Variants in RTN4RL1 observed in about 807,000 individuals in gnomAD.
RTN4RL1 encodes reticulon-4 receptor-like 1.
Under a neutral mutation model 25.6 loss-of-function variants are expected in RTN4RL1, and 7 were observed. That is an observed-to-expected ratio of 0.27 (90% CI 0.16 to 0.51). The LOEUF is 0.51. Ranked by LOEUF, RTN4RL1 falls within the 20% of genes least tolerant of loss-of-function variation. The pLI is 0.97. For missense variants in RTN4RL1, 500 were observed against 615.6 expected, an observed-to-expected ratio of 0.81 and a Z score of 1.99; for synonymous variants, 297 against 288.2, an observed-to-expected ratio of 1.03 and a Z score of -0.31.
chr17:1,954,013 G>C lies in RTN4RL1; in HGVS notation c.14-16205C>G, dbSNP rs143904944. On this transcript the variant is annotated intron_variant, in intron 1 of 1. Coordinates refer to ENST00000331238, the MANE Select transcript of RTN4RL1 (RefSeq NM_178568.4). ...CCAGCCCAAAGGCTAATGTCAGCTT[G>C]CCAGGACTACAGAGTAAAACGGAGA... Among the ~76,000 whole-genome samples the C allele has an allele frequency of 3.4e-3, 511 of 152,330 alleles. 4 individuals are homozygous for C. The highest frequency in any genetic ancestry group is 0.012 in the African/African-American group (484 of 41,566).
At chr17:1,946,664 ATG>A (rs970584470) in intron 1 of RTN4RL1, among the ~76,000 whole-genome samples, 1 of 128,072 alleles carries the variant, frequency 7.8e-6, no homozygotes, top group African/African-American at 3.1e-5. Context: ...GTGTGTGTGC[ATG>A]TGTGTCTGTG....
chr17:1,983,713 AT>A lies in RTN4RL1; in HGVS notation c.13+41139del, dbSNP rs1003918668. On this transcript the variant is annotated intron_variant, in intron 1 of 1. Coordinates refer to ENST00000331238, the MANE Select transcript of RTN4RL1 (RefSeq NM_178568.4). The stretch of plus-strand genomic sequence containing the variant: ...CCACCATGCCTGGCTAACATTTTCT[AT>A]TTTTTTTGTAGAGACGGGGTCTTAC... 3.3e-5 allele frequency among the ~76,000 whole-genome samples: 5 copies of A among 150,158 alleles called. No homozygotes were observed. In the South Asian group the frequency reaches 1.1e-3, roughly 32 times the overall value.
chr17:1,942,150 C>T (rs1165093134), intron 1 of RTN4RL1, among the ~76,000 whole-genome samples: 1 of 152,106 alleles, frequency 6.6e-6, no homozygotes, highest in Non-Finnish European at 1.5e-5. Flanking sequence ...CAAAACTCCC[C>T]CAAGCTTTCC....
chr17:2,012,893 A>G (rs2067068227), intron 1 of RTN4RL1, among the ~76,000 whole-genome samples: 1 of 151,762 alleles, frequency 6.6e-6, no homozygotes, highest in Admixed American at 6.6e-5. Flanking sequence ...TCCTGTGTTC[A>G]AGCAATTCTC....
In RTN4RL1 at chr17:1,936,536, A is replaced by T. The variant is rs1915306911; in HGVS notation, c.1286T>A (p.Leu429His). 2 of 1,552,818 alleles carry T rather than the reference A, an allele frequency of 1.3e-6. No homozygotes were observed. Among genetic ancestry groups the T allele is most frequent in the Non-Finnish European group, 8.7e-7 (1 of 1,150,426 alleles). ...ASSASSLGAS[L>H]LAWTLGLAVT... ...CGCCAGCCCCAGTGTCCAGGCCAGG[A>T]GGGAGGCCCCCAGGGAACTGGCCGA... Residue 429 changes from leucine to histidine, a missense_variant, in exon 2 of 2, where the codon CTC becomes CAC. Transcript: ENST00000331238.
chr17:1,952,589 C>T (rs551412317), intron 1 of RTN4RL1, among the ~76,000 whole-genome samples: 26 of 151,154 alleles, frequency 1.7e-4, no homozygotes, highest in African/African-American at 4.9e-4. Context: ...GTGATCCACC[C>T]GCCTCAGCCT....
At chr17:1,949,556 G>T (rs1915633366) in intron 1 of RTN4RL1, among the ~76,000 whole-genome samples, 1 of 152,206 alleles carries the variant, frequency 6.6e-6, no homozygotes, top group South Asian at 2.1e-4. Context: ...CCTGCGATCA[G>T]TGAAAGGCAT....
At chr17:2,023,888 G>A (rs976179196) in intron 1 of RTN4RL1, among the ~76,000 whole-genome samples, 1 of 152,156 alleles carries the variant, frequency 6.6e-6, no homozygotes, top group African/African-American at 2.4e-5. Context: ...GCCAGCCGCA[G>A]GCGCCGCGGC....
intron 1 of RTN4RL1, among the ~76,000 whole-genome samples, chr17:1,995,061 A>G (rs919848835): frequency 2.0e-5 from 3 of 152,130 alleles, no homozygotes; most frequent in Admixed American, 6.5e-5. Context: ...CCATGCTCAG[A>G]GCCCACAGTG....
intron 1 of RTN4RL1, among the ~76,000 whole-genome samples, chr17:1,972,191 C>T (rs2066823387): frequency 6.6e-6 from 1 of 151,650 alleles, no homozygotes; most frequent in African/African-American, 2.4e-5. Flanking sequence ...CCTGTAGTCC[C>T]AGCTACTTGG....
At position 1,977,650 on chromosome 17, in the gene RTN4RL1, G is replaced by A. The variant is rs148752455; in HGVS notation, c.14-39842C>T. On this transcript the variant is annotated intron_variant, in intron 1 of 1. Coordinates refer to ENST00000331238, the MANE Select transcript of RTN4RL1 (RefSeq NM_178568.4). ...GGAGGGGAGCGGTAAGTGGGGGCGGGAGGAGGTCCCTTTGCAGAGGGAAAC... is the reference window on the plus strand; with the variant it reads ...GGAGGGGAGCGGTAAGTGGGGGCGGAAGGAGGTCCCTTTGCAGAGGGAAAC... 5.4e-3 allele frequency among the ~76,000 whole-genome samples: 828 copies of A among 152,238 alleles called. 2 individuals carry two copies. Among genetic ancestry groups the A allele is most frequent in the Non-Finnish European group, 8.7e-3 (591 of 67,994 alleles).
chr17:2,007,963 AT>A (rs1265137869), intron 1 of RTN4RL1, among the ~76,000 whole-genome samples: 1 of 147,902 alleles, frequency 6.8e-6, no homozygotes, highest in African/African-American at 2.5e-5. Flanking sequence ...ACCCAAAAAA[AT>A]AAACAACAAC....
chr17:1,966,618 C>T (rs1404886855), intron 1 of RTN4RL1, among the ~76,000 whole-genome samples: 1 of 152,078 alleles, frequency 6.6e-6, no homozygotes, highest in Non-Finnish European at 1.5e-5. Flanking sequence ...TCTTGGGGTT[C>T]CCTGTCTGTG....
Position 2,016,109 on chromosome 17 carries a change from G to A in RTN4RL1, c.13+8744C>T, listed in dbSNP as rs534819262. On this transcript the variant is annotated intron_variant, in intron 1 of 1. Coordinates refer to ENST00000331238, the MANE Select transcript of RTN4RL1 (RefSeq NM_178568.4). ...TGAAAAACCTTTGAAGGCCGGGCGC[G>A]GTGGCTCATGCCTGTAATCCCAGCA... Among the ~76,000 whole-genome samples, 5 of 152,266 alleles carry A rather than the reference G, an allele frequency of 3.3e-5. No homozygotes were observed. In the South Asian group the frequency reaches 6.2e-4, roughly 19 times the overall value.
chr17:1,973,033 C>T (rs1020444754), intron 1 of RTN4RL1, among the ~76,000 whole-genome samples: 1 of 152,166 alleles, frequency 6.6e-6, no homozygotes, highest in Non-Finnish European at 1.5e-5. Context: ...CCATGTTGCA[C>T]GAAATCTGTG....
intron 1 of RTN4RL1, among the ~76,000 whole-genome samples, chr17:2,010,518 C>T (rs928639874): frequency 5.3e-5 from 8 of 152,058 alleles, no homozygotes; most frequent in Non-Finnish European, 5.9e-5. Context: ...TCCACCCCAA[C>T]TAGAATGTAA....
chr17:1,951,748 C>A (rs919166420), intron 1 of RTN4RL1, among the ~76,000 whole-genome samples: 1 of 151,884 alleles, frequency 6.6e-6, no homozygotes, highest in East Asian at 1.9e-4. Flanking sequence ...CCACCGCGCC[C>A]GGCCCGAAGC....
chr17:2,016,426 T>C (rs112838179), intron 1 of RTN4RL1, among the ~76,000 whole-genome samples: 2 of 152,006 alleles, frequency 1.3e-5, no homozygotes, highest in Admixed American at 6.6e-5. Flanking sequence ...AGACCATTGA[T>C]CTAGTCATAT....
At position 2,023,323 on chromosome 17, in the gene RTN4RL1, T is replaced by C. The variant is rs1435068075; in HGVS notation, c.13+1530A>G. On this transcript the variant is annotated intron_variant, in intron 1 of 1. Coordinates refer to ENST00000331238, the MANE Select transcript of RTN4RL1 (RefSeq NM_178568.4). ...ACTGCTCGGTTGCTGAAAGGACTTTTTGTCCCTTTCTGCAGGGAAAAGGAG... is the reference window on the plus strand; with the variant it reads ...ACTGCTCGGTTGCTGAAAGGACTTTCTGTCCCTTTCTGCAGGGAAAAGGAG... 2.6e-5 allele frequency among the ~76,000 whole-genome samples: 4 copies of C among 152,212 alleles called. No individual in the cohort carries two copies. The East Asian group carries it at 5.8e-4, about 22-fold the overall frequency.
Sources: gnomAD v4.1 joint callset for allele counts (sites outside exome capture counted in the v4.1 genomes callset) on GRCh38, gnomAD v4.1.1 for gene constraint, MANE v1.5 for transcripts, NCBI Gene and HGNC (gene_info 2026-07-23, HGNC 2026-07-21) for gene names.